ITFG2: variants seen among roughly 807,000 people sequenced by gnomAD.
ITFG2 encodes the protein integrin alpha FG-GAP repeat containing 2, also known as KICSTOR complex protein ITFG2.
Under a neutral mutation model 54.4 loss-of-function variants are expected in ITFG2, and 36 were observed. The observed-to-expected ratio is 0.66, with a 90% CI of 0.51 to 0.87. The LOEUF (loss-of-function observed/expected upper bound fraction) is 0.87. Ranked by LOEUF, ITFG2 falls within the 40% of genes least tolerant of loss-of-function variation. ITFG2 has a pLI of 0.00. For synonymous variants in ITFG2, 211 were observed against 225.4 expected (o/e 0.94, Z 0.57); for missense variants, 524 against 576.7 (o/e 0.91, Z 0.94).
chr12:2,849,522 G>A lies in ITFG2; in HGVS notation n.301-8490G>A, dbSNP rs755082090. 114 of 1,536,074 alleles carry A rather than the reference G, an allele frequency of 7.4e-5. No individual in the cohort carries two copies. In the Admixed American group the frequency reaches 1.0e-3, roughly 14 times the overall value. On this transcript the variant is annotated intron_variant and non_coding_transcript_variant, in intron 2 of 3. Transcript: ENST00000537710. ...ACCTCCCACCAGCGGATATGTGCCGGTACCTGTTGGGAGAAGGGTATGGAG... is the reference window on the plus strand; with the variant it reads ...ACCTCCCACCAGCGGATATGTGCCGATACCTGTTGGGAGAAGGGTATGGAG...
At chr12:2,855,611 C>G (rs935917832) in intron 2 of ITFG2, among the ~76,000 whole-genome samples, 1 of 152,206 alleles carries the variant, frequency 6.6e-6, no homozygotes, top group African/African-American at 2.4e-5. Flanking sequence ...CTCTCCTTCC[C>G]GGCGGAAGTT....
intron 9 of ITFG2, among the ~76,000 whole-genome samples, 188 bp downstream of exon 9, chr12:2,821,980 G>T (rs1175966575): frequency 6.7e-6 from 1 of 148,674 alleles, no homozygotes; most frequent in Non-Finnish European, 1.5e-5. Flanking sequence ...CTAGGCTGGA[G>T]TGCAGTGGCA....
At chr12:2,818,631 C>T in intron 4 of ITFG2, 6 of 330,462 alleles carry the variant, frequency 1.8e-5, no homozygotes, top group Non-Finnish European at 3.5e-5. Flanking sequence ...CCACTGCACT[C>T]CACTCCAGCG....
intron 7 of ITFG2, 71 bp from the exon 8 acceptor site, chr12:2,821,472 C>A: frequency 6.4e-7 from 1 of 1,573,878 alleles, no homozygotes; most frequent in Non-Finnish European, 8.7e-7. Context: ...CCTGCTGCTG[C>A]AGAACACCCC....
intron 1 of ITFG2, among the ~76,000 whole-genome samples, chr12:2,813,531 C>T (rs1436872326): frequency 6.6e-6 from 1 of 151,980 alleles, no homozygotes; most frequent in African/African-American, 2.4e-5. Flanking sequence ...TAATAGTCAC[C>T]GGATAATAAA....
rs777770184 is a variant in ITFG2 at position 2,822,824 on chromosome 12, G to T, written c.979G>T (p.Ala327Ser). ...CGGGCATGAGGAGGTAGTTGCATGC[G>T]CCTGGGATGGACAGACATATATCAT... ...GNGHEEVVAC[A>S]WDGQTYIIDH... The change falls in exon 10 of 12, where the codon GCC becomes TCC. Residue 327 changes from alanine (A) to serine (S), a missense_variant. Ala to Ser is a moderately conservative substitution (Grantham distance 99, BLOSUM62 1). Transcript: ENST00000228799. 5.0e-6 allele frequency: 8 copies of T among 1,614,156 alleles called. No homozygotes were observed. The highest frequency in any genetic ancestry group is 5.9e-6 in the Non-Finnish European group (7 of 1,180,026).
chr12:2,854,446 G>C (rs992430836), intron 2 of ITFG2, among the ~76,000 whole-genome samples: 10 of 152,204 alleles, frequency 6.6e-5, no homozygotes, highest in African/African-American at 2.4e-4. Flanking sequence ...TGGAGAAGCT[G>C]GGCACCTCAC....
chr12:2,845,722 T>C lies in ITFG2; in HGVS notation n.300+4727T>C, dbSNP rs1358082666. On this transcript the variant is annotated intron_variant and non_coding_transcript_variant, in intron 2 of 3. Transcript: ENST00000537710. The surrounding 1 kb of genome is among the most constrained non-coding windows in gnomAD (Gnocchi z 4.2). ...CAGCTGTGGTGAAAGAGTGGATCTT[T>C]AGGCAGATACAGATACAGAGATTCC... Among the ~76,000 whole-genome samples the C allele has an allele frequency of 6.6e-6, 1 of 152,066 alleles. No individual in the cohort carries two copies. Among genetic ancestry groups the C allele is most frequent in the African/African-American group, 2.4e-5 (1 of 41,396 alleles).
chr12:2,849,365 G>A lies in ITFG2; in HGVS notation n.300+8370G>A, dbSNP rs1438491722. 2.6e-6 allele frequency: 4 copies of A among 1,536,050 alleles called. No homozygotes were observed. The East Asian group carries it at 9.8e-5, about 38-fold the overall frequency. On this transcript the variant is annotated intron_variant and non_coding_transcript_variant, in intron 2 of 3. Coordinates refer to the ITFG2 transcript ENST00000537710. ...AAATCCCTTATGAGGTCCTGGCTCA[G>A]GGGCGCGCTGGGCAGCAAGGCCAGC...
downstream of ITFG2, chr12:2,826,274 T>G (rs2097966462): frequency 6.6e-6 from 1 of 151,740 alleles, no homozygotes; most frequent in South Asian, 2.1e-4. Flanking sequence ...AGCCACTGAT[T>G]CCAGGACAAT....
chr12:2,856,552 AC>A (rs754328730), intron 2 of ITFG2, among the ~76,000 whole-genome samples: 27 of 152,096 alleles, frequency 1.8e-4, no homozygotes, highest in Non-Finnish European at 3.4e-4. Flanking sequence ...TTTAGTAGAG[AC>A]GGTTTCATCA....
In ITFG2 at chr12:2,822,920, C is replaced by T. The variant is rs760364389; in HGVS notation, c.1066+9C>T. ...CCGTGCCTTCTGTGCAGGTGACCCC[C>T]GCCCCCATGGCCCCTTTCTAACCAC... On this transcript the variant is annotated intron_variant, in intron 10 of 11. Transcript: ENST00000228799. 1.2e-5 allele frequency: 19 copies of T among 1,604,832 alleles called. No homozygotes were observed. Among genetic ancestry groups the T allele is most frequent in the South Asian group, 5.5e-5 (5 of 90,886 alleles).
chr12:2,847,189 T>A (rs1483937826), intron 2 of ITFG2, among the ~76,000 whole-genome samples: 1 of 152,168 alleles, frequency 6.6e-6, no homozygotes, highest in African/African-American at 2.4e-5. Context: ...TGTATTCTTT[T>A]AAAAAAAATT....
intron 2 of ITFG2, chr12:2,855,352 G>A (rs930975805): frequency 2.2e-6 from 3 of 1,387,670 alleles, no homozygotes; most frequent in South Asian, 2.4e-5. Context: ...GGCTTGCCGG[G>A]TGAAGCCAGG....
At chr12:2,856,979 A>G (rs1317266219) in intron 2 of ITFG2, 1 of 703,008 alleles carries the variant, frequency 1.4e-6, no homozygotes, top group East Asian at 2.7e-5. Flanking sequence ...CTTCCATATG[A>G]GATGGGTGAC....
intron 2 of ITFG2, among the ~76,000 whole-genome samples, chr12:2,850,915 G>T (rs899622941): frequency 2.3e-4 from 34 of 149,832 alleles, no homozygotes; most frequent in African/African-American, 7.4e-4. Flanking sequence ...CAAGTGATTC[G>T]CCCGCCTTGG....
intron 1 of ITFG2, chr12:2,836,975 A>G (rs892611553): frequency 4.6e-5 from 7 of 152,156 alleles, no homozygotes; most frequent in Admixed American, 1.3e-4. Context: ...ACAAATTTCT[A>G]TTGTTTTAGC....
At chr12:2,857,509 C>A (rs2098091470) in intron 2 of ITFG2, 1 of 165,762 alleles carries the variant, frequency 6.0e-6, no homozygotes, top group Admixed American at 5.7e-5. Context: ...ACTGGGAAAA[C>A]TGGCAATTTG....
At chr12:2,837,934 G>A (rs1249163414) in intron 1 of ITFG2, among the ~76,000 whole-genome samples, 2 of 152,132 alleles carry the variant, frequency 1.3e-5, no homozygotes, top group Non-Finnish European at 1.5e-5. Flanking sequence ...TTCAATTTAC[G>A]CTGTGCCTAA....
Sources: allele counts gnomAD v4.1 joint callset (sites outside exome capture counted in the v4.1 genomes callset), GRCh38; gene constraint gnomAD v4.1.1; non-coding constraint Gnocchi (gnomAD v3.1); transcripts MANE v1.5; gene names NCBI Gene and HGNC (gene_info 2026-07-23, HGNC 2026-07-21).